Variants in CAMK4 observed in about 807,000 individuals in gnomAD.
CAMK4 encodes calcium/calmodulin-dependent protein kinase type IV.
A neutral mutation model predicts 44.9 loss-of-function variants in CAMK4; 22 were observed. The observed-to-expected ratio is 0.49, with a 90% CI of 0.35 to 0.70. The LOEUF is 0.70. CAMK4 is among the 30% of genes least tolerant of loss of function. CAMK4 has a pLI of 0.01. For missense variants in CAMK4, 498 were observed against 586.8 expected (o/e 0.85, Z 1.56); for synonymous variants, 218 against 215.4 (o/e 1.01, Z -0.11).
chr5:111,225,076 C>G (rs569621576), intron 1 of CAMK4, among the ~76,000 whole-genome samples: 2 of 152,200 alleles, frequency 1.3e-5, no homozygotes, highest in Non-Finnish European at 2.9e-5. Context: ...CTCCTCCTTC[C>G]CCTCGTCAAG....
At position 111,482,927 on chromosome 5, in the gene CAMK4, G is replaced by A. The variant is rs1755483786; in HGVS notation, c.971G>A (p.Arg324His). Residue 324 changes from arginine (R) to histidine (H), a missense_variant, in exon 10 of 11, where the codon CGT becomes CAT. Arg to His is a conservative substitution (Grantham distance 29). This residue lies in a region of CAMK4 where 203 missense variants were observed against 298.2 expected (regional missense o/e 0.68). Transcript: ENST00000282356. The surrounding 1 kb of genome is among the most constrained non-coding windows in gnomAD (Gnocchi z 4.9). ...QKKLQEFNARRKLKAAVKAVV... is the reference protein window; with the variant it reads ...QKKLQEFNARHKLKAAVKAVV... ...AAGCTCCAAGAATTCAATGCCCGGCGTAAGCTTAAGGTAAGATAGCATATA... is the reference window on the plus strand; with the variant it reads ...AAGCTCCAAGAATTCAATGCCCGGCATAAGCTTAAGGTAAGATAGCATATA... 6.2e-7 allele frequency: 1 copy of A among 1,604,318 alleles called. No individual in the cohort carries two copies. Among genetic ancestry groups the A allele is most frequent in the Non-Finnish European group, 8.5e-7 (1 of 1,177,042 alleles).
intron 2 of CAMK4, among the ~76,000 whole-genome samples, chr5:111,362,313 T>C (rs1750625286): frequency 6.6e-6 from 1 of 152,038 alleles, no homozygotes; most frequent in Non-Finnish European, 1.5e-5. Context: ...ATATTAGTAA[T>C]AAATCTTAAG....
At chr5:111,476,382 A>G (rs1755243980) in intron 8 of CAMK4, among the ~76,000 whole-genome samples, 1 of 151,624 alleles carries the variant, frequency 6.6e-6, no homozygotes, top group Non-Finnish European at 1.5e-5. Context: ...GGTTCAAGCA[A>G]TTCTTCTGCT....
intron 5 of CAMK4, among the ~76,000 whole-genome samples, chr5:111,425,941 G>A (rs1382010049): frequency 6.6e-6 from 1 of 152,062 alleles, no homozygotes; most frequent in African/African-American, 2.4e-5. Flanking sequence ...GGCAATATCA[G>A]ACAATTTAAA....
intron 1 of CAMK4, among the ~76,000 whole-genome samples, chr5:111,339,437 T>C (rs986270493): frequency 6.6e-6 from 1 of 151,228 alleles, no homozygotes; most frequent in African/African-American, 2.4e-5. Flanking sequence ...TTTCATTCTT[T>C]TGCTTTTGGA....
At chr5:111,395,504 A>G (rs931293113) in intron 5 of CAMK4, among the ~76,000 whole-genome samples, 8 of 151,248 alleles carry the variant, frequency 5.3e-5, no homozygotes, top group Admixed American at 5.3e-4. Flanking sequence ...TGTGATGTAA[A>G]CCTTGGAGCA....
At chr5:111,419,840 A>G (rs1752958666) in intron 5 of CAMK4, among the ~76,000 whole-genome samples, 1 of 152,148 alleles carries the variant, frequency 6.6e-6, no homozygotes, top group Non-Finnish European at 1.5e-5. Flanking sequence ...TGTTTTGGTT[A>G]CTGTAGCCTT....
chr5:111,420,059 T>C (rs562041038), intron 5 of CAMK4, among the ~76,000 whole-genome samples: 1 of 151,788 alleles, frequency 6.6e-6, no homozygotes, highest in Non-Finnish European at 1.5e-5. Context: ...ACGATATTGA[T>C]TCTTCCTACC....
At chr5:111,318,328 T>C (rs1445279185) in intron 1 of CAMK4, among the ~76,000 whole-genome samples, 1 of 152,170 alleles carries the variant, frequency 6.6e-6, no homozygotes, top group Non-Finnish European at 1.5e-5. Flanking sequence ...TGTCCCATAA[T>C]TTGTCAGGTA....
chr5:111,297,618 G>T (rs1392192247), intron 1 of CAMK4, among the ~76,000 whole-genome samples: 5 of 151,996 alleles, frequency 3.3e-5, no homozygotes, highest in African/African-American at 1.2e-4. Context: ...TTAATATTTT[G>T]TTGCCCCTTT....
At chr5:111,429,658 C>A (rs1338037337) in intron 5 of CAMK4, among the ~76,000 whole-genome samples, 2 of 151,404 alleles carry the variant, frequency 1.3e-5, no homozygotes, top group South Asian at 2.1e-4. Flanking sequence ...CACTTATAGT[C>A]CCAGCTACTC....
At chr5:111,434,091 T>A (rs1753558526) in intron 5 of CAMK4, among the ~76,000 whole-genome samples, 1 of 151,932 alleles carries the variant, frequency 6.6e-6, no homozygotes, top group South Asian at 2.1e-4. Flanking sequence ...ATCAAGAGAT[T>A]TAGACCATTC....
intron 2 of CAMK4, among the ~76,000 whole-genome samples, chr5:111,357,144 GAAAAAGGAGAT>G (rs955117863): frequency 6.6e-6 from 1 of 152,072 alleles, no homozygotes; most frequent in Non-Finnish European, 1.5e-5. Context: ...CTATGGAGCA[GAAAAAGGAGAT>G]ATATAACCAA....
At chr5:111,276,647 C>T (rs942614172) in intron 1 of CAMK4, among the ~76,000 whole-genome samples, 2 of 152,046 alleles carry the variant, frequency 1.3e-5, no homozygotes, top group Non-Finnish European at 2.9e-5. Context: ...CCTTGTTTTC[C>T]ACTAGCTTTG....
At chr5:111,332,559 T>C (rs1749216339) in intron 1 of CAMK4, among the ~76,000 whole-genome samples, 2 of 151,586 alleles carry the variant, frequency 1.3e-5, no homozygotes, top group Admixed American at 6.6e-5. Flanking sequence ...TGTGTCTTTA[T>C]AGCAGCATGA....
At chr5:111,419,092 TC>T in intron 5 of CAMK4, among the ~76,000 whole-genome samples, 1 of 152,150 alleles carries the variant, frequency 6.6e-6, no homozygotes, top group South Asian at 2.1e-4. Flanking sequence ...CTCCACATCC[TC>T]TCCAGCACCT....
chr5:111,408,554 A>G (rs919925264), intron 5 of CAMK4, among the ~76,000 whole-genome samples: 4 of 152,144 alleles, frequency 2.6e-5, no homozygotes, highest in Admixed American at 2.0e-4. Context: ...AAGCCTAACC[A>G]TATCATTCTG....
intron 6 of CAMK4, among the ~76,000 whole-genome samples, chr5:111,447,196 T>C (rs1754060192): frequency 6.6e-6 from 1 of 152,174 alleles, no homozygotes; most frequent in East Asian, 1.9e-4. Flanking sequence ...CACATATTAG[T>C]GAGTCTAGGC....
At chr5:111,380,576 C>T (rs1170057670) in intron 4 of CAMK4, among the ~76,000 whole-genome samples, 1 of 152,178 alleles carries the variant, frequency 6.6e-6, no homozygotes, top group Non-Finnish European at 1.5e-5. Flanking sequence ...CATGTGTTCT[C>T]ATCATTAAGC....
Sources: gnomAD v4.1 joint callset for allele counts (sites outside exome capture counted in the v4.1 genomes callset) on GRCh38, gnomAD v4.1.1 for gene constraint, gnomAD v4.1.1 regional missense constraint, Gnocchi (gnomAD v3.1) non-coding constraint, MANE v1.5 for transcripts, NCBI Gene and HGNC (gene_info 2026-07-23, HGNC 2026-07-21) for gene names.